The following TRPM3 variants were observed in gnomAD, a reference collection of about 807,000 sequenced individuals.
TRPM3 encodes long transient receptor potential channel 3.
Under a neutral mutation model 181.2 loss-of-function variants are expected in TRPM3, and 77 were observed. That is an observed-to-expected ratio of 0.42 (90% CI 0.35 to 0.51). The LOEUF (loss-of-function observed/expected upper bound fraction) is 0.51. Among genes scored for constraint, TRPM3 ranks in the 20% least tolerant of loss-of-function variants. The pLI is 0.01. For synonymous variants in TRPM3, 745 were observed against 796.4 expected, an observed-to-expected ratio of 0.94 and a Z score of 1.09; for missense variants, 1,759 against 2,196.7, an observed-to-expected ratio of 0.80 and a Z score of 3.98.
intron 1 of TRPM3, among the ~76,000 whole-genome samples, chr9:71,276,033 G>A (rs1362436453): frequency 6.6e-6 from 1 of 152,014 alleles, no homozygotes; most frequent in Non-Finnish European, 1.5e-5. Flanking sequence ...AGTAAAGACA[G>A]TGTTTCACTG....
At chr9:71,309,390 T>C (rs1237671979) in intron 1 of TRPM3, among the ~76,000 whole-genome samples, 1 of 152,166 alleles carries the variant, frequency 6.6e-6, no homozygotes, top group Non-Finnish European at 1.5e-5. Flanking sequence ...AGGATACCAA[T>C]TCAATAGCTT....
At chr9:70,639,007 G>A (rs1464186722) in intron 11 of TRPM3, 53 bp downstream of exon 11, 5 of 1,590,894 alleles carry the variant, frequency 3.1e-6, no homozygotes, top group Non-Finnish European at 4.3e-6. Context: ...GGCAGGAGAA[G>A]GTAAAACAAA....
intron 1 of TRPM3, among the ~76,000 whole-genome samples, chr9:71,048,014 T>C (rs1489862549): frequency 6.6e-6 from 1 of 152,212 alleles, no homozygotes; most frequent in Non-Finnish European, 1.5e-5. Context: ...AATGTATGAT[T>C]TTATTTTCTA....
intron 1 of TRPM3, among the ~76,000 whole-genome samples, chr9:70,943,111 G>A (rs1564813872): frequency 6.6e-6 from 1 of 152,060 alleles, no homozygotes; most frequent in Admixed American, 6.6e-5. Flanking sequence ...GACACATGGT[G>A]TCCTTATTTG....
chr9:70,545,291 T>C (rs1397352710), intron 25 of TRPM3, among the ~76,000 whole-genome samples: 1 of 152,150 alleles, frequency 6.6e-6, no homozygotes, highest in African/African-American at 2.4e-5. Flanking sequence ...AATGAATGGA[T>C]AAAGGAATTA....
chr9:71,020,868 G>A (rs1564991183), intron 1 of TRPM3, among the ~76,000 whole-genome samples: 1 of 152,118 alleles, frequency 6.6e-6, no homozygotes, highest in African/African-American at 2.4e-5. Flanking sequence ...CACAGTAATT[G>A]CACTTCTAGC....
In TRPM3 at chr9:70,923,828, C is replaced by CTATA. The variant is rs1256813268; in HGVS notation, c.178-59321_178-59318dup. 4.1e-4 allele frequency among the ~76,000 whole-genome samples: 56 copies of CTATA among 136,078 alleles called. No homozygotes were observed. The Middle Eastern group carries it at 0.011, about 26-fold the overall frequency. The allele number at this position is 136,078 out of a possible 152,430, so 89.3% of individuals were successfully genotyped here. A position where few individuals can be genotyped will look rare whatever the true frequency, so the allele number is the denominator to read the frequency against. ...ACTCTCTCTCTCTCTCTCTCTCTCTCTATATATATATATATACACACACAC... is the reference window on the plus strand; with the variant it reads ...ACTCTCTCTCTCTCTCTCTCTCTCTCTATATATATATATATATATACACACACAC... On this transcript the variant is annotated intron_variant, in intron 1 of 25. Transcript: ENST00000677713.
intron 1 of TRPM3, among the ~76,000 whole-genome samples, chr9:71,161,317 C>T (rs969181262): frequency 2.6e-5 from 4 of 152,150 alleles, no homozygotes; most frequent in African/African-American, 7.2e-5. Flanking sequence ...GACTCCAGAG[C>T]TCATCTGAGC....
chr9:70,977,966 G>T (rs1242137462), intron 1 of TRPM3, among the ~76,000 whole-genome samples: 1 of 152,184 alleles, frequency 6.6e-6, no homozygotes, highest in Non-Finnish European at 1.5e-5. Flanking sequence ...AAATCATTAG[G>T]TGTTTGTAAT....
At chr9:70,950,367 C>A (rs952968289) in intron 1 of TRPM3, among the ~76,000 whole-genome samples, 2 of 152,138 alleles carry the variant, frequency 1.3e-5, no homozygotes, top group Non-Finnish European at 2.9e-5. Context: ...GGCCATAATG[C>A]ATTTTTGACT....
chr9:70,835,429 A>T (rs1399654352), intron 5 of TRPM3, among the ~76,000 whole-genome samples: 1 of 151,802 alleles, frequency 6.6e-6, no homozygotes, highest in African/African-American at 2.4e-5. Context: ...AAACTGGTGG[A>T]TGCATCATAG....
At chr9:70,932,185 A>G (rs938241131) in intron 1 of TRPM3, among the ~76,000 whole-genome samples, 16 of 152,078 alleles carry the variant, frequency 1.1e-4, no homozygotes, top group African/African-American at 3.1e-4. Context: ...ATGCCTCTCT[A>G]CCCTTGCTTT....
intron 25 of TRPM3, among the ~76,000 whole-genome samples, chr9:70,544,846 A>G (rs762747852): frequency 3.3e-5 from 5 of 152,206 alleles, no homozygotes; most frequent in Non-Finnish European, 7.3e-5. Context: ...ATATTGAGTC[A>G]GTTCATGTAA....
intron 12 of TRPM3, among the ~76,000 whole-genome samples, chr9:70,627,274 T>TC (rs1270220705): frequency 2.0e-5 from 3 of 146,994 alleles, no homozygotes; most frequent in Non-Finnish European, 4.5e-5. Context: ...GCTTTTTTTT[T>TC]TTTTTTTTTT....
At chr9:71,056,684 GA>G (rs1158935399) in intron 1 of TRPM3, among the ~76,000 whole-genome samples, 1 of 152,064 alleles carries the variant, frequency 6.6e-6, no homozygotes, top group Non-Finnish European at 1.5e-5. Flanking sequence ...GACAGGCATA[GA>G]GGGAAGACTA....
intron 1 of TRPM3, among the ~76,000 whole-genome samples, chr9:71,320,878 T>C (rs1340031494): frequency 6.6e-6 from 1 of 151,908 alleles, no homozygotes; most frequent in African/African-American, 2.4e-5. Flanking sequence ...CTTCCACAAT[T>C]CCCCTATCTC....
chr9:71,046,142 C>G (rs192587516), intron 1 of TRPM3, among the ~76,000 whole-genome samples: 2 of 152,034 alleles, frequency 1.3e-5, no homozygotes, highest in South Asian at 4.1e-4. Flanking sequence ...AAGCGCCCCA[C>G]GCCCGGCTAA....
intron 1 of TRPM3, among the ~76,000 whole-genome samples, chr9:71,219,873 G>C (rs1448558533): frequency 1.3e-5 from 2 of 152,164 alleles, no homozygotes; most frequent in South Asian, 2.1e-4. Flanking sequence ...GAAACTGTCT[G>C]ATAGTGTGTA....
intron 1 of TRPM3, among the ~76,000 whole-genome samples, chr9:70,872,540 C>T (rs2095805672): frequency 6.6e-6 from 1 of 151,968 alleles, no homozygotes; most frequent in Non-Finnish European, 1.5e-5. Flanking sequence ...TCTAAAAGCA[C>T]ACCGTGTCAT....
Sources: gnomAD v4.1 joint callset for allele counts (sites outside exome capture counted in the v4.1 genomes callset) on GRCh38, gnomAD v4.1.1 for gene constraint, MANE v1.5 for transcripts, NCBI Gene and HGNC (gene_info 2026-07-23, HGNC 2026-07-21) for gene names.